The following IMMP2L variants were observed in gnomAD, a reference collection of about 807,000 sequenced individuals.
IMMP2L encodes the protein mitochondrial inner membrane protease subunit 2.
In IMMP2L, 18 loss-of-function variants were observed where a neutral mutation model predicts 19.3. The ratio of observed to expected loss-of-function variants is 0.93; its 90% CI spans 0.64 to 1.38. IMMP2L has a LOEUF of 1.38. Ranked by LOEUF, IMMP2L falls within the 40% of genes most tolerant of loss-of-function variation. IMMP2L has a pLI of 0.00. For synonymous variants in IMMP2L, 76 were observed against 73.0 expected (o/e 1.04, Z -0.21); for missense variants, 233 against 218.2 (o/e 1.07, Z -0.43).
chr7:111,496,164 C>T (rs942582179), intron 2 of IMMP2L, among the ~76,000 whole-genome samples: 14 of 152,192 alleles, frequency 9.2e-5, no homozygotes, highest in Admixed American at 1.3e-4. Flanking sequence ...TGAAAGAATG[C>T]GGACAATATG....
chr7:111,293,360 T>C (rs945611015), intron 3 of IMMP2L, among the ~76,000 whole-genome samples: 2 of 151,962 alleles, frequency 1.3e-5, no homozygotes, highest in African/African-American at 4.8e-5. Flanking sequence ...AGAAGCTACA[T>C]ATTATTTCAA....
intron 5 of IMMP2L, among the ~76,000 whole-genome samples, chr7:110,749,394 G>T (rs565004813): frequency 2.6e-4 from 39 of 152,056 alleles, no homozygotes; most frequent in African/African-American, 9.2e-4. Context: ...CTCATTACTG[G>T]GTATATACCC....
At chr7:111,094,073 T>C (rs1319173424) in intron 3 of IMMP2L, among the ~76,000 whole-genome samples, 1 of 152,160 alleles carries the variant, frequency 6.6e-6, no homozygotes, top group Non-Finnish European at 1.5e-5. Flanking sequence ...TGTTTCTTTG[T>C]TCTTTCCTTT....
intron 5 of IMMP2L, among the ~76,000 whole-genome samples, chr7:110,830,126 A>G (rs1034703562): frequency 1.3e-5 from 2 of 152,140 alleles, no homozygotes; most frequent in Admixed American, 6.5e-5. Context: ...ATCCCAGGTT[A>G]CCGTGCATGA....
At chr7:110,730,243 CT>C (rs1161018052) in intron 5 of IMMP2L, among the ~76,000 whole-genome samples, 1 of 152,100 alleles carries the variant, frequency 6.6e-6, no homozygotes, top group African/African-American at 2.4e-5. Context: ...CACCCTCAAT[CT>C]GGGTGGGCAC....
chr7:111,194,563 C>G (rs201422790), intron 3 of IMMP2L, among the ~76,000 whole-genome samples: 1 of 152,146 alleles, frequency 6.6e-6, no homozygotes, highest in Non-Finnish European at 1.5e-5. Flanking sequence ...TTATTTATCA[C>G]AAAAGCCACT....
chr7:110,759,231 T>A (rs13223536), intron 5 of IMMP2L, among the ~76,000 whole-genome samples: 1 of 152,096 alleles, frequency 6.6e-6, no homozygotes, highest in Admixed American at 6.6e-5. Context: ...GTTCCTATTG[T>A]ACTCTGTTCA....
chr7:111,144,565 T>C (rs1803266182), intron 3 of IMMP2L, among the ~76,000 whole-genome samples: 1 of 152,110 alleles, frequency 6.6e-6, no homozygotes, highest in Non-Finnish European at 1.5e-5. Context: ...CACTTCTTTT[T>C]CCCCTTTCTT....
chr7:110,990,153 T>C (rs1279502568), intron 3 of IMMP2L, among the ~76,000 whole-genome samples: 2 of 152,132 alleles, frequency 1.3e-5, no homozygotes, highest in Non-Finnish European at 2.9e-5. Flanking sequence ...AATAAGGAAT[T>C]TAATTATATA....
chr7:111,370,234 C>T lies in IMMP2L; in HGVS notation c.239+117004G>A, dbSNP rs116561646. Among the ~76,000 whole-genome samples, 533 of 152,086 alleles carry T rather than the reference C, an allele frequency of 3.5e-3. 4 individuals carry two copies. Among genetic ancestry groups the T allele is most frequent in the African/African-American group, 0.012 (505 of 41,540 alleles). ...TGCCCTCAGGCAACATTTAACATCT[C>T]TCAGCCCCAATTTCAATGGAGAGAG... On this transcript the variant is annotated intron_variant, in intron 3 of 5. Coordinates refer to ENST00000405709, the MANE Select transcript of IMMP2L (RefSeq NM_032549.4).
At chr7:111,147,605 A>G (rs1427019669) in intron 3 of IMMP2L, among the ~76,000 whole-genome samples, 1 of 152,118 alleles carries the variant, frequency 6.6e-6, no homozygotes, top group Non-Finnish European at 1.5e-5. Context: ...CTTTTCCACC[A>G]TGGAGATTCA....
At chr7:111,187,453 C>A (rs897377127) in intron 3 of IMMP2L, among the ~76,000 whole-genome samples, 1 of 152,072 alleles carries the variant, frequency 6.6e-6, no homozygotes, top group Non-Finnish European at 1.5e-5. Context: ...TAGCTAAAAG[C>A]CAATTGCACT....
intron 3 of IMMP2L, among the ~76,000 whole-genome samples, chr7:111,031,988 G>A (rs1345319158): frequency 1.4e-5 from 2 of 143,686 alleles, no homozygotes; most frequent in Non-Finnish European, 3.0e-5. Context: ...ACCGAGGCTG[G>A]AGTGCAGTGG....
At chr7:110,831,803 T>C (rs1803994560) in intron 5 of IMMP2L, among the ~76,000 whole-genome samples, 1 of 152,218 alleles carries the variant, frequency 6.6e-6, no homozygotes, top group Non-Finnish European at 1.5e-5. Context: ...ACTGATTTAT[T>C]CAGAGGTACC....
intron 3 of IMMP2L, among the ~76,000 whole-genome samples, chr7:111,191,132 A>G (rs1212087466): frequency 1.3e-5 from 2 of 152,118 alleles, no homozygotes; most frequent in Non-Finnish European, 2.9e-5. Flanking sequence ...CTGGCTTACA[A>G]GTCTTCATTC....
chr7:110,735,680 AT>A (rs1796577540), intron 5 of IMMP2L, among the ~76,000 whole-genome samples: 1 of 61,300 alleles, frequency 1.6e-5, no homozygotes, highest in Non-Finnish European at 3.4e-5. Context: ...TAGTAGACAA[AT>A]ACACACACAC....
chr7:110,916,387 T>C (rs1303284273), intron 4 of IMMP2L, among the ~76,000 whole-genome samples: 1 of 152,220 alleles, frequency 6.6e-6, no homozygotes, highest in Non-Finnish European at 1.5e-5. Context: ...AGAAAATGCA[T>C]CTGGTGTTTC....
intron 3 of IMMP2L, among the ~76,000 whole-genome samples, chr7:110,994,834 CAAG>C (rs1444839032): frequency 6.6e-6 from 1 of 152,100 alleles, no homozygotes; most frequent in Non-Finnish European, 1.5e-5. Flanking sequence ...TATTGTACAG[CAAG>C]AAGGAGTTAA....
chr7:111,105,539 T>C (rs1798448901), intron 3 of IMMP2L, among the ~76,000 whole-genome samples: 1 of 151,826 alleles, frequency 6.6e-6, no homozygotes, highest in Non-Finnish European at 1.5e-5. Context: ...CAAAAATGGG[T>C]TGCTGTAGCA....
Sources: gnomAD v4.1 joint callset for allele counts (sites outside exome capture counted in the v4.1 genomes callset) on GRCh38, gnomAD v4.1.1 for gene constraint, MANE v1.5 for transcripts, NCBI Gene and HGNC (gene_info 2026-07-23, HGNC 2026-07-21) for gene names.